Variants in AUTS2 observed in about 807,000 individuals in gnomAD.
AUTS2 encodes the protein autism susceptibility gene 2 protein.
Under a neutral mutation model 112.4 loss-of-function variants are expected in AUTS2, and 17 were observed. That is an observed-to-expected ratio of 0.15 (90% CI 0.10 to 0.23). The LOEUF is 0.23. AUTS2 is among the 10% of genes least tolerant of loss of function. The pLI, the probability that AUTS2 is intolerant of heterozygous loss-of-function variation, is 1.00. For missense variants in AUTS2, 1,510 were observed against 1,701.6 expected, an observed-to-expected ratio of 0.89 and a Z score of 1.98; for synonymous variants, 751 against 702.7, an observed-to-expected ratio of 1.07 and a Z score of -1.09.
intron 1 of AUTS2, among the ~76,000 whole-genome samples, chr7:69,633,151 A>G (rs1263008789): frequency 6.6e-6 from 1 of 152,072 alleles, no homozygotes; most frequent in Non-Finnish European, 1.5e-5. Context: ...TTTGAAAAAA[A>G]TTTTTAAGAT....
At chr7:69,691,866 T>G (rs1465768937) in intron 1 of AUTS2, among the ~76,000 whole-genome samples, 3 of 152,174 alleles carry the variant, frequency 2.0e-5, no homozygotes, top group Non-Finnish European at 4.4e-5. Flanking sequence ...GATTTTTTTT[T>G]GTCTCTTACA....
chr7:69,619,257 C>G lies in AUTS2; in HGVS notation c.309+19295C>G, dbSNP rs1320680886. Among the ~76,000 whole-genome samples the G allele has an allele frequency of 2.6e-5, 4 of 152,226 alleles. No homozygotes were observed. The East Asian group carries it at 7.7e-4, about 29-fold the overall frequency. ...TGCGGATATATTTACATATTCATTA[C>G]AAAGCATAAGCATCAGGAACTTAGA... is the stretch of plus-strand genomic sequence containing the variant. On this transcript the variant is annotated intron_variant, in intron 1 of 18. Transcript: ENST00000342771.
At chr7:70,720,552 A>G (rs1439853807) in intron 6 of AUTS2, among the ~76,000 whole-genome samples, 3 of 152,096 alleles carry the variant, frequency 2.0e-5, no homozygotes, top group Non-Finnish European at 4.4e-5. Context: ...TTTATTGTAC[A>G]TATGTTTTAA....
chr7:70,338,815 C>T (rs1316436632), intron 4 of AUTS2, among the ~76,000 whole-genome samples: 1 of 143,350 alleles, frequency 7.0e-6, no homozygotes, highest in Non-Finnish European at 1.5e-5. Flanking sequence ...TCCACCTAAC[C>T]CATCTCCAGC....
chr7:69,686,241 A>T (rs1266373443), intron 1 of AUTS2, among the ~76,000 whole-genome samples: 1 of 152,240 alleles, frequency 6.6e-6, no homozygotes, highest in Non-Finnish European at 1.5e-5. Flanking sequence ...TCGTGAATAT[A>T]CGTGGCCTTA....
chr7:70,338,833 CTTATTTA>C (rs1484875974), intron 4 of AUTS2, among the ~76,000 whole-genome samples: 44 of 141,078 alleles, frequency 3.1e-4, no homozygotes, highest in African/African-American at 6.2e-4. Flanking sequence ...AGCCTCATCT[CTTATTTA>C]TTTATTTATT....
At chr7:70,248,428 C>T (rs1478424712) in intron 4 of AUTS2, among the ~76,000 whole-genome samples, 1 of 152,086 alleles carries the variant, frequency 6.6e-6, no homozygotes, top group Non-Finnish European at 1.5e-5. Context: ...CCAGCCATGT[C>T]TCTGTGTTTT....
intron 5 of AUTS2, among the ~76,000 whole-genome samples, chr7:70,662,097 C>T (rs528470078): frequency 6.6e-6 from 1 of 152,362 alleles, no homozygotes; most frequent in African/African-American, 2.4e-5. Flanking sequence ...GCTGTCGGCC[C>T]TTCCCACAGG....
chr7:70,066,539 A>ATTTTT (rs71068013), intron 2 of AUTS2, among the ~76,000 whole-genome samples: 13 of 137,866 alleles, frequency 9.4e-5, no homozygotes, highest in African/African-American at 3.0e-4. Context: ...TACCCAGTAA[A>ATTTTT]TTTTTTTTTT....
At chr7:70,150,231 C>T (rs1346990233) in intron 4 of AUTS2, among the ~76,000 whole-genome samples, 1 of 152,102 alleles carries the variant, frequency 6.6e-6, no homozygotes, top group Non-Finnish European at 1.5e-5. Flanking sequence ...AGCACTTACA[C>T]TGAATAAGGC....
chr7:70,374,825 A>AGT (rs1793010675), intron 4 of AUTS2, among the ~76,000 whole-genome samples: 1 of 152,138 alleles, frequency 6.6e-6, no homozygotes, highest in Non-Finnish European at 1.5e-5. Context: ...CTTTGAGGTC[A>AGT]GTGTGTGTGT....
At chr7:70,162,175 G>T (rs62458804) in intron 4 of AUTS2, among the ~76,000 whole-genome samples, 1 of 151,814 alleles carries the variant, frequency 6.6e-6, no homozygotes, top group Non-Finnish European at 1.5e-5. Context: ...GGCCGGGCGC[G>T]GTGGCTCACG....
At chr7:70,539,430 G>A (rs1003168626) in intron 5 of AUTS2, among the ~76,000 whole-genome samples, 2 of 152,156 alleles carry the variant, frequency 1.3e-5, no homozygotes, top group African/African-American at 4.8e-5. Flanking sequence ...TAGGTCATCA[G>A]GTTGTTGGAT....
At chr7:69,771,420 G>A (rs80070448) in intron 1 of AUTS2, among the ~76,000 whole-genome samples, 3,283 of 152,270 alleles carry the variant, frequency 0.022, 116 homozygotes, top group African/African-American at 0.072. Flanking sequence ...GAACACGGGG[G>A]TACAGAAGTG....
At chr7:70,057,695 C>G (rs1802056611) in intron 2 of AUTS2, among the ~76,000 whole-genome samples, 1 of 152,112 alleles carries the variant, frequency 6.6e-6, no homozygotes, top group African/African-American at 2.4e-5. Context: ...GTCCCTAGAC[C>G]CTCTGTTGTC....
intron 5 of AUTS2, among the ~76,000 whole-genome samples, chr7:70,573,132 T>C (rs1432665528): frequency 6.6e-6 from 1 of 152,214 alleles, no homozygotes; most frequent in Non-Finnish European, 1.5e-5. Flanking sequence ...TCAAACTAGA[T>C]AGAGGCCTTA....
chr7:70,107,383 C>T (rs555534437), intron 2 of AUTS2, among the ~76,000 whole-genome samples: 153 of 119,366 alleles, frequency 1.3e-3, no homozygotes, highest in Admixed American at 3.0e-3. Flanking sequence ...CTAGCTCTTT[C>T]GCCAGGCTGG....
chr7:70,272,720 A>G (rs1393526808), intron 4 of AUTS2, among the ~76,000 whole-genome samples: 2 of 149,000 alleles, frequency 1.3e-5, no homozygotes, highest in Non-Finnish European at 3.0e-5. Context: ...CTTCTGGCAA[A>G]TGGTTGCTGT....
intron 5 of AUTS2, among the ~76,000 whole-genome samples, chr7:70,609,576 TTTTG>T (rs1311448484): frequency 1.4e-5 from 2 of 140,674 alleles, no homozygotes; most frequent in African/African-American, 5.8e-5. Context: ...GTTTTTTTTG[TTTTG>T]TTTTTTTTTT....
Sources: gnomAD v4.1 joint callset for allele counts (sites outside exome capture counted in the v4.1 genomes callset) on GRCh38, gnomAD v4.1.1 for gene constraint, MANE v1.5 for transcripts, NCBI Gene and HGNC (gene_info 2026-07-23, HGNC 2026-07-21) for gene names.